The following NLRP9 variants were observed in gnomAD, a reference collection of about 807,000 sequenced individuals.
NLRP9 encodes the protein NACHT, LRR and PYD domains-containing protein 9.
In NLRP9, 88 loss-of-function variants were observed where a neutral mutation model predicts 83.1. That is an observed-to-expected ratio of 1.06 (90% CI 0.89 to 1.26). The LOEUF is 1.26. Among genes scored for constraint, NLRP9 ranks in the 50% most tolerant of loss-of-function variants. The pLI, the probability that NLRP9 is intolerant of heterozygous loss-of-function variation, is 0.00. For synonymous variants in NLRP9, 521 were observed against 447.6 expected (o/e 1.16, Z -2.07); for missense variants, 1,308 against 1,179.3 (o/e 1.11, Z -1.60).
intron 8 of NLRP9, 51 bp from the exon 9 acceptor site, chr19:55,709,095 T>C (rs1489988965): frequency 4.4e-6 from 6 of 1,379,068 alleles, no homozygotes; most frequent in Non-Finnish European, 5.9e-6. Context: ...TTTTACACAG[T>C]ATTGCCTCTC....
intron 4 of NLRP9, 108 bp from the exon 5 acceptor site, chr19:55,717,006 C>A: frequency 1.3e-6 from 1 of 771,866 alleles, no homozygotes. Context: ...ACCTGCCGAT[C>A]CATTATCTAC....
chr19:55,724,485 T>C (rs1186401298), intron 3 of NLRP9, among the ~76,000 whole-genome samples: 1 of 152,208 alleles, frequency 6.6e-6, no homozygotes, highest in Non-Finnish European at 1.5e-5. Context: ...CTGAGATTAA[T>C]GTGATTAATG....
intron 3 of NLRP9, 50 bp from the exon 4 acceptor site, chr19:55,724,194 A>G (rs1378071905): frequency 7.7e-7 from 1 of 1,290,594 alleles, no homozygotes; most frequent in African/African-American, 1.5e-5. Context: ...ATCCCAGCAC[A>G]AAGACAGACA....
chr19:55,711,963 T>C lies in NLRP9; in HGVS notation c.2680A>G (p.Thr894Ala), dbSNP rs753670252. Residue 894 changes from threonine (T) to alanine (A), a missense_variant, in exon 8 of 9, where the codon ACG (threonine) becomes GCG (alanine). Physicochemically the swap from Thr to Ala is moderately conservative, Grantham distance 58. Coordinates refer to ENST00000332836, the MANE Select transcript of NLRP9 (RefSeq NM_176820.4). ...HCKLECLGLQTCPITRACCDD... is the reference protein window; with the variant it reads ...HCKLECLGLQACPITRACCDD... The stretch of plus-strand genomic sequence containing the variant: ...CAGCAGGCACGGGTGATCGGACACG[T>C]TTGCAGCCTGCAAAAGGGAAACACA... 3.1e-6 allele frequency: 5 copies of C among 1,612,240 alleles called. No homozygotes were observed. Among genetic ancestry groups the C allele is most frequent in the Non-Finnish European group, 4.2e-6 (5 of 1,179,400 alleles).
At chr19:55,730,084 A>C in intron 2 of NLRP9, 92 bp from the exon 3 acceptor site, 126 of 1,181,084 alleles carry the variant, frequency 1.1e-4, no homozygotes, top group Non-Finnish European at 1.3e-4. Flanking sequence ...AAAGCACCTC[A>C]AAGCTGACAG....
At chr19:55,713,350 A>C (rs1040977516) in intron 6 of NLRP9, among the ~76,000 whole-genome samples, 1 of 151,728 alleles carries the variant, frequency 6.6e-6, no homozygotes, top group Non-Finnish European at 1.5e-5. Context: ...TGAATAGTTA[A>C]TAGATGATAA....
chr19:55,733,348 A>C lies in NLRP9; in HGVS notation c.483T>G (p.Leu161=). 6.2e-7 allele frequency: 1 copy of C among 1,614,118 alleles called. No individual in the cohort carries two copies. Residue 161 remains leucine, a synonymous_variant, in exon 2 of 9, where the codon CTT becomes CTG. Transcript: ENST00000332836. ...EGPDGIGKTT[L]LRKVMLDWAE... is the part of the protein sequence containing the mutation. ...CCCAGTCCAACATCACTTTTCTTAA[A>C]AGGGTTGTTTTTCCAATTCCATCAG...
intron 1 of NLRP9, 37 bp from the exon 2 acceptor site, chr19:55,733,587 A>T: frequency 1.7e-6 from 2 of 1,174,536 alleles, no homozygotes; most frequent in Non-Finnish European, 2.4e-6. Context: ...ATAGGTAAAA[A>T]TGCACTCATT....
chr19:55,712,322 C>G (rs989863375), intron 7 of NLRP9, 98 bp downstream of exon 7: 2 of 1,067,058 alleles, frequency 1.9e-6, no homozygotes, highest in South Asian at 3.0e-5. Context: ...GAGGGACTTG[C>G]TTTTAAACCT....
intron 3 of NLRP9, among the ~76,000 whole-genome samples, chr19:55,728,995 C>T (rs1988481692): frequency 6.7e-6 from 1 of 149,996 alleles, no homozygotes; most frequent in African/African-American, 2.5e-5. Flanking sequence ...AAATATTGCA[C>T]ATCAGCACTC....
rs555824954 is a variant in NLRP9, at chr19:55,738,012, G to T, written c.280+83C>A. On this transcript the variant is annotated intron_variant, in intron 1 of 8. Coordinates refer to ENST00000332836, the MANE Select transcript of NLRP9 (RefSeq NM_176820.4). The stretch of plus-strand genomic sequence containing the variant: ...CCCACACACATTCTCATCTGATGGA[G>T]GGGGTGGCCACTCATTTAACAATGC... 2.4e-6 allele frequency: 3 copies of T among 1,272,010 alleles called. No individual in the cohort carries two copies. The South Asian group carries it at 3.8e-5, about 16-fold the overall frequency. The allele number at this position is 1,272,010 out of a possible 1,614,324, so 78.8% of individuals were successfully genotyped here. A position where few individuals can be genotyped will look rare whatever the true frequency, so the allele number is the denominator to read the frequency against.
At position 55,729,874 on chromosome 19, in the gene NLRP9, A is replaced by T; in HGVS notation, c.1951T>A (p.Cys651Ser). The T allele has an allele frequency of 1.2e-6, 2 of 1,613,902 alleles. No individual in the cohort carries two copies. Among genetic ancestry groups the T allele is most frequent in the South Asian group, 2.2e-5 (2 of 91,060 alleles). ...CAAACAGGCTGAGCCAGCGCTTTGC[A>T]AAGAATCGCCAGGGAGGGATCATCG... ...SLDDPSLAIL[C>S]KALAQPVCKL... is the part of the protein sequence containing the mutation. The change falls in exon 3 of 9, where the codon TGC becomes AGC. Residue 651 changes from cysteine (C) to serine (S), a missense_variant. Coordinates refer to ENST00000332836, the MANE Select transcript of NLRP9 (RefSeq NM_176820.4).
intron 4 of NLRP9, among the ~76,000 whole-genome samples, chr19:55,718,251 C>T (rs905063246): frequency 7.2e-5 from 11 of 152,198 alleles, no homozygotes; most frequent in Admixed American, 2.0e-4. Context: ...CCCACTGAGA[C>T]AGCCTGAGAT....
intron 3 of NLRP9, among the ~76,000 whole-genome samples, chr19:55,728,222 C>T (rs1988456939): frequency 6.6e-6 from 1 of 152,138 alleles, no homozygotes; most frequent in Non-Finnish European, 1.5e-5. Flanking sequence ...GTAGAATTTA[C>T]GAACAGTGAA....
At chr19:55,715,639 G>A (rs917757721) in intron 5 of NLRP9, among the ~76,000 whole-genome samples, 12 of 152,232 alleles carry the variant, frequency 7.9e-5, no homozygotes, top group South Asian at 2.1e-4. Flanking sequence ...AGCTGAGATC[G>A]TGCCACTGCA....
Position 55,732,830 on chromosome 19 carries a change from C to A in NLRP9, c.1001G>T (p.Cys334Phe). 1 of 1,614,156 alleles carries A rather than the reference C, an allele frequency of 6.2e-7. No homozygotes were observed. Among genetic ancestry groups the A allele is most frequent in the African/African-American group, 1.3e-5 (1 of 75,026 alleles). ...CAACCAGCACGTAAAGGGATTATGG[C>A]ACAAGATAAACAGCGGCCCATTATC... ...VRDNGPLFIL[C>F]HNPFTCWLVC... Residue 334 changes from cysteine to phenylalanine, a missense_variant, in exon 2 of 9, where the codon TGC becomes TTC. Physicochemically the swap from Cys to Phe is radical, Grantham distance 205 (BLOSUM62 -2). Coordinates refer to ENST00000332836, the MANE Select transcript of NLRP9 (RefSeq NM_176820.4).
intron 7 of NLRP9, among the ~76,000 whole-genome samples, chr19:55,712,209 G>T (rs1430597817): frequency 6.6e-6 from 1 of 152,148 alleles, no homozygotes; most frequent in Admixed American, 6.6e-5. Context: ...ACCCTATCAT[G>T]CACAGGATGG....
intron 1 of NLRP9, among the ~76,000 whole-genome samples, chr19:55,733,961 C>T (rs113343860): frequency 0.19 from 25,321 of 132,152 alleles, 2,889 homozygotes; most frequent in Non-Finnish European, 0.26. Context: ...CTCGCTCTGT[C>T]GCCCAGGCTG....
At chr19:55,725,625 T>A (rs1419434441) in intron 3 of NLRP9, among the ~76,000 whole-genome samples, 1 of 151,888 alleles carries the variant, frequency 6.6e-6, no homozygotes, top group East Asian at 1.9e-4. Context: ...TGCCCGGAGA[T>A]AAAGGAAGCC....
Sources: allele counts gnomAD v4.1 joint callset (sites outside exome capture counted in the v4.1 genomes callset), GRCh38; gene constraint gnomAD v4.1.1; transcripts MANE v1.5; gene names NCBI Gene and HGNC (gene_info 2026-07-23, HGNC 2026-07-21).